CNTNAP2: variants seen among roughly 807,000 people sequenced by gnomAD.
CNTNAP2 encodes the protein contactin-associated protein-like 2.
Under a neutral mutation model 155.2 loss-of-function variants are expected in CNTNAP2, and 98 were observed. The ratio of observed to expected loss-of-function variants is 0.63; its 90% CI spans 0.54 to 0.75. CNTNAP2 has a LOEUF of 0.75. CNTNAP2 is among the 30% of genes least tolerant of loss of function. The probability of loss-of-function intolerance (pLI) is 0.00; values close to 1 mark genes in which losing one functional copy is unlikely to be tolerated. For synonymous variants in CNTNAP2, 651 were observed against 631.2 expected (o/e 1.03, Z -0.47); for missense variants, 1,727 against 1,688.1 (o/e 1.02, Z -0.40).
intron 13 of CNTNAP2, among the ~76,000 whole-genome samples, chr7:147,873,735 C>T (rs1028780363): frequency 2.0e-5 from 3 of 152,150 alleles, no homozygotes; most frequent in African/African-American, 7.2e-5. Context: ...AGTCTTAGCT[C>T]ATTCCAGCAT....
chr7:147,088,136 A>T (rs193288951), intron 4 of CNTNAP2, among the ~76,000 whole-genome samples: 1 of 152,274 alleles, frequency 6.6e-6, no homozygotes, highest in East Asian at 1.9e-4. Context: ...TCTAACTTTC[A>T]TTTTCCTAAT....
intron 1 of CNTNAP2, among the ~76,000 whole-genome samples, chr7:146,489,630 G>A (rs2129130835): frequency 6.6e-6 from 1 of 152,218 alleles, no homozygotes; most frequent in Non-Finnish European, 1.5e-5. Flanking sequence ...CTGCCCACTT[G>A]GCCTGCGTGT....
chr7:147,084,535 AT>A (rs754067664), intron 4 of CNTNAP2, among the ~76,000 whole-genome samples: 1 of 98,728 alleles, frequency 1.0e-5, no homozygotes, highest in African/African-American at 3.1e-5. Flanking sequence ...ATAATACTAT[AT>A]ATAATATATA....
At chr7:147,111,772 T>G (rs1800885276) in intron 5 of CNTNAP2, among the ~76,000 whole-genome samples, 1 of 152,214 alleles carries the variant, frequency 6.6e-6, no homozygotes, top group Non-Finnish European at 1.5e-5. Context: ...ACAGTAGCCT[T>G]GCAGTAGAGT....
At chr7:147,244,632 G>A (rs1804017374) in intron 8 of CNTNAP2, among the ~76,000 whole-genome samples, 1 of 152,136 alleles carries the variant, frequency 6.6e-6, no homozygotes, top group South Asian at 2.1e-4. Flanking sequence ...TTTAGTGGGA[G>A]AGATACACAT....
chr7:148,163,009 T>C (rs966358605), intron 17 of CNTNAP2, among the ~76,000 whole-genome samples: 1 of 152,072 alleles, frequency 6.6e-6, no homozygotes, highest in Admixed American at 6.6e-5. Context: ...AAAAAATAAA[T>C]AAATATAAGA....
At chr7:146,984,139 G>A (rs188323726) in intron 3 of CNTNAP2, among the ~76,000 whole-genome samples, 6 of 151,910 alleles carry the variant, frequency 3.9e-5, no homozygotes, top group Non-Finnish European at 7.4e-5. Context: ...AGGCTGAGGT[G>A]GGTGGCTCAA....
intron 3 of CNTNAP2, among the ~76,000 whole-genome samples, chr7:146,877,245 T>G (rs1795447300): frequency 1.3e-5 from 2 of 152,118 alleles, no homozygotes; most frequent in Admixed American, 1.3e-4. Flanking sequence ...CTTTTGCCTG[T>G]AATCTCAGCA....
chr7:147,918,078 C>T (rs1800192826), intron 14 of CNTNAP2, among the ~76,000 whole-genome samples: 2 of 152,294 alleles, frequency 1.3e-5, no homozygotes, highest in Admixed American at 6.5e-5. Flanking sequence ...GCATAAAAGG[C>T]CTGCTTCCTG....
intron 1 of CNTNAP2, among the ~76,000 whole-genome samples, chr7:146,362,041 G>A (rs746152502): frequency 3.3e-5 from 5 of 151,850 alleles, no homozygotes; most frequent in Non-Finnish European, 5.9e-5. Flanking sequence ...TTTTACTCTC[G>A]CCTCCTCTTT....
chr7:147,502,748 T>G (rs1798841362), intron 11 of CNTNAP2, among the ~76,000 whole-genome samples: 1 of 151,578 alleles, frequency 6.6e-6, no homozygotes, highest in African/African-American at 2.4e-5. Context: ...TGTGTATATA[T>G]ATATATATAT....
intron 12 of CNTNAP2, among the ~76,000 whole-genome samples, chr7:147,568,682 C>T (rs1584820395): frequency 6.6e-6 from 1 of 152,086 alleles, no homozygotes; most frequent in African/African-American, 2.4e-5. Context: ...TCAGTATCAA[C>T]CTCTTTTAAT....
intron 8 of CNTNAP2, among the ~76,000 whole-genome samples, chr7:147,143,445 T>C (rs1801640141): frequency 6.6e-6 from 1 of 152,216 alleles, no homozygotes; most frequent in Non-Finnish European, 1.5e-5. Flanking sequence ...TTTGATACTC[T>C]GTTCAAAAAT....
At chr7:147,326,398 T>C (rs79427207) in intron 9 of CNTNAP2, among the ~76,000 whole-genome samples, 1 of 152,360 alleles carries the variant, frequency 6.6e-6, no homozygotes, top group East Asian at 1.9e-4. Context: ...TTGAATCGTA[T>C]TTCATTGTAT....
At chr7:146,161,024 C>T (rs957128018) in intron 1 of CNTNAP2, among the ~76,000 whole-genome samples, 1 of 152,158 alleles carries the variant, frequency 6.6e-6, no homozygotes, top group African/African-American at 2.4e-5. Flanking sequence ...TGGCTTCATC[C>T]CTGGGATGCA....
At chr7:146,146,453 A>G (rs1356083569) in intron 1 of CNTNAP2, among the ~76,000 whole-genome samples, 1 of 152,180 alleles carries the variant, frequency 6.6e-6, no homozygotes, top group Non-Finnish European at 1.5e-5. Flanking sequence ...TATTAATTCA[A>G]TAATGTAGGC....
At chr7:147,240,042 C>G (rs1288344385) in intron 8 of CNTNAP2, among the ~76,000 whole-genome samples, 2 of 152,232 alleles carry the variant, frequency 1.3e-5, no homozygotes, top group Non-Finnish European at 1.5e-5. Context: ...CACTTCCTAG[C>G]CAAGTGATTT....
chr7:147,291,795 C>T (rs10242430), intron 8 of CNTNAP2, among the ~76,000 whole-genome samples: 71,203 of 151,878 alleles, frequency 0.47, 17,243 homozygotes, highest in East Asian at 0.71. Flanking sequence ...TGCTAGTTAG[C>T]CCTTTTAATT....
chr7:148,389,124 C>G (rs917785190), intron 22 of CNTNAP2, among the ~76,000 whole-genome samples: 3 of 152,234 alleles, frequency 2.0e-5, no homozygotes, highest in Non-Finnish European at 4.4e-5. Flanking sequence ...GAGCTGTAGA[C>G]TGGAGCTGTT....
Sources: allele counts gnomAD v4.1 joint callset (sites outside exome capture counted in the v4.1 genomes callset), GRCh38; gene constraint gnomAD v4.1.1; transcripts MANE v1.5; gene names NCBI Gene and HGNC (gene_info 2026-07-23, HGNC 2026-07-21).